The following DELE1 variants were observed in gnomAD, a reference collection of about 807,000 sequenced individuals.
The protein encoded by DELE1 is DAP3 binding cell death enhancer 1, also known as death ligand signal enhancer.
Under a neutral mutation model 59.3 loss-of-function variants are expected in DELE1, and 54 were observed. That is an observed-to-expected ratio of 0.91 (90% CI 0.73 to 1.14). The LOEUF is 1.14. Ranked by LOEUF, DELE1 falls within the 50% of genes most tolerant of loss-of-function variation. The probability of loss-of-function intolerance (pLI) is 0.00; values close to 1 mark genes in which losing one functional copy is unlikely to be tolerated. For synonymous variants in DELE1, 264 were observed against 259.1 expected (o/e 1.02, Z -0.18); for missense variants, 636 against 643.9 (o/e 0.99, Z 0.13).
intron 10 of DELE1, among the ~76,000 whole-genome samples, chr5:141,936,284 A>G (rs1752346525): frequency 6.6e-6 from 1 of 152,190 alleles, no homozygotes; most frequent in African/African-American, 2.4e-5. Flanking sequence ...GGTAAGTGGT[A>G]GAGCCGTGAT....
In DELE1 at chr5:141,929,451, T is replaced by C. The variant is rs1751702733; in HGVS notation, c.413-131T>C. The C allele has an allele frequency of 5.6e-6, 5 of 892,060 alleles. No individual in the cohort carries two copies. The South Asian group carries it at 8.2e-5, about 15-fold the overall frequency. The allele number at this position is 892,060 out of a possible 1,614,324, so 55.3% of individuals were successfully genotyped here. On this transcript the variant is annotated intron_variant, in intron 4 of 11. Coordinates refer to ENST00000432126, the MANE Select transcript of DELE1 (RefSeq NM_014773.5). ...TTTTAGTACAGATGGGGTTTCACCATGTTGGCCAGGCTGGTCTTGAACTCC... is the reference window on the plus strand; with the variant it reads ...TTTTAGTACAGATGGGGTTTCACCACGTTGGCCAGGCTGGTCTTGAACTCC...
In DELE1 at chr5:141,925,586, G is replaced by A; in HGVS notation, c.264+59G>A. The A allele has an allele frequency of 2.8e-6, 3 of 1,081,664 alleles. No individual in the cohort carries two copies. The South Asian group carries it at 5.1e-5, about 18-fold the overall frequency. 67.0% of individuals were successfully genotyped at this position (1,081,664 alleles called of 1,614,324 possible). A position where few individuals can be genotyped will look rare whatever the true frequency, so the allele number is the denominator to read the frequency against. On this transcript the variant is annotated intron_variant, in intron 3 of 11. Coordinates refer to ENST00000432126, the MANE Select transcript of DELE1 (RefSeq NM_014773.5). The stretch of plus-strand genomic sequence containing the variant: ...GTGTAGATGAGAATGATCCTTCATG[G>A]GTATACAGCCGAACCTGGAACAAGG...
intron 2 of DELE1, among the ~76,000 whole-genome samples, chr5:141,925,119 CG>C (rs1178243562): frequency 6.6e-6 from 1 of 151,870 alleles, no homozygotes; most frequent in Non-Finnish European, 1.5e-5. Flanking sequence ...TTAGTAGAGA[CG>C]GGGTTTCACC....
At chr5:141,937,640 C>T (rs951720461) in intron 11 of DELE1, among the ~76,000 whole-genome samples, 1 of 150,764 alleles carries the variant, frequency 6.6e-6, no homozygotes, top group Non-Finnish European at 1.5e-5. Flanking sequence ...GGGCGTGGTG[C>T]GGACCCTGTG....
At chr5:141,936,736 G>A (rs1752391531) in intron 10 of DELE1, 1 of 396,654 alleles carries the variant, frequency 2.5e-6, no homozygotes, top group Admixed American at 6.4e-5. Context: ...CCCAGGCCAA[G>A]CATAGCTTTT....
At chr5:141,924,750 A>AAT in intron 2 of DELE1, 55 bp downstream of exon 2, 10 of 863,898 alleles carry the variant, frequency 1.2e-5, no homozygotes, top group South Asian at 1.7e-5. Flanking sequence ...CTTTTTTTTT[A>AAT]TTTTTTTTTT....
chr5:141,933,094 CAAAAA>C (rs56720043), intron 7 of DELE1, among the ~76,000 whole-genome samples, 160 bp from the exon 8 acceptor site: 3,078 of 100,964 alleles, frequency 0.03, 51 homozygotes, highest in South Asian at 0.066. Flanking sequence ...GACTCCATCT[CAAAAA>C]AAAAAAAAAA....
Position 141,936,843 on chromosome 5 carries a change from T to C in DELE1, c.1150-355T>C, listed in dbSNP as rs114875715. Reference sequence around the variant, plus strand: ...AGACAACCCTCCACCTTCGCCTCCTTGCTGTTTCAGGGCAACATAGGAGCC... The same window carrying C: ...AGACAACCCTCCACCTTCGCCTCCTCGCTGTTTCAGGGCAACATAGGAGCC... On this transcript the variant is annotated intron_variant, in intron 10 of 11. Transcript: ENST00000432126. The C allele has an allele frequency of 2.2e-3, 2,207 of 984,472 alleles. 47 individuals carry two copies. The African/African-American group carries it at 0.036, about 16-fold the overall frequency. 61.0% of individuals were successfully genotyped at this position (984,472 alleles called of 1,614,324 possible). A position where few individuals can be genotyped will look rare whatever the true frequency, so the allele number is the denominator to read the frequency against.
chr5:141,929,266 T>G (rs1330788872), intron 4 of DELE1, among the ~76,000 whole-genome samples: 3 of 152,152 alleles, frequency 2.0e-5, no homozygotes, highest in Non-Finnish European at 2.9e-5. Flanking sequence ...TTTTTTCTTT[T>G]GAGACACAGT....
rs970210171 is a variant in DELE1 at position 141,938,874 on chromosome 5, A to C, written c.*115A>C. ...CAGGTAGAAATTCCAGCGGGAGTTC[A>C]GGTTCCCAAGCAATTTCACGTACAT... On this transcript the variant is annotated 3_prime_UTR_variant, in exon 12 of 12. Coordinates refer to ENST00000432126, the MANE Select transcript of DELE1 (RefSeq NM_014773.5). 3 of 1,488,862 alleles carry C rather than the reference A, an allele frequency of 2.0e-6. No homozygotes were observed. In the Admixed American group the frequency reaches 7.0e-5, roughly 35 times the overall value. 92.2% of individuals were successfully genotyped at this position (1,488,862 alleles called of 1,614,324 possible). A position where few individuals can be genotyped will look rare whatever the true frequency, so the allele number is the denominator to read the frequency against.
chr5:141,929,542 G>T, intron 4 of DELE1, 40 bp from the exon 5 acceptor site: 1 of 1,602,074 alleles, frequency 6.2e-7, no homozygotes, highest in South Asian at 1.1e-5. Flanking sequence ...GAGCCATCGC[G>T]CCTGGCCCAG....
chr5:141,940,457 T>G lies in DELE1; in HGVS notation c.*1698T>G, dbSNP rs1752671546. On this transcript the variant is annotated 3_prime_UTR_variant, in exon 12 of 12. Coordinates refer to ENST00000432126, the MANE Select transcript of DELE1 (RefSeq NM_014773.5). The stretch of plus-strand genomic sequence containing the variant: ...CCACCGCCCACCCCCCACAATCCCA[T>G]GACTGAGTGGAGACCAACCAGCCTG... The G allele has an allele frequency of 1.0e-6, 1 of 984,302 alleles. No individual in the cohort carries two copies. Among genetic ancestry groups the G allele is most frequent in the Non-Finnish European group, 1.2e-6 (1 of 829,178 alleles). 61.0% of individuals were successfully genotyped at this position (984,302 alleles called of 1,614,324 possible).
Position 141,938,727 on chromosome 5 carries a change from G to T in DELE1, c.1516G>T (p.Glu506Ter). The T allele has an allele frequency of 6.2e-7, 1 of 1,613,886 alleles. No homozygotes were observed. The highest frequency in any genetic ancestry group is 1.1e-5 in the South Asian group (1 of 91,066). ...RAIPPHPYPLERSVVRLGFG is the reference protein window; with the variant it reads ...RAIPPHPYPL Reference sequence around the variant, plus strand: ...TATTCCCCCACACCCCTACCCACTGGAAAGGAGTGTTGTAAGACTAGGTTT... The same window carrying T: ...TATTCCCCCACACCCCTACCCACTGTAAAGGAGTGTTGTAAGACTAGGTTT... Residue 506 changes from glutamate (E) to a stop codon, truncating the protein, a stop_gained, in exon 12 of 12, where the codon GAA (glutamate) becomes TAA (stop). Coordinates refer to ENST00000432126, the MANE Select transcript of DELE1 (RefSeq NM_014773.5). LOFTEE classifies it high-confidence loss of function.
Position 141,940,877 on chromosome 5 carries a change from AAAG to A in DELE1, c.*2119_*2121del. On this transcript the variant is annotated 3_prime_UTR_variant, in exon 12 of 12. Coordinates refer to ENST00000432126, the MANE Select transcript of DELE1 (RefSeq NM_014773.5). ...GCTCTCTGCCAAAAAACAAACAAAA[AAAG>A]GTTTCTGTGGTTAAATAAGTTTGGG... 1.3e-5 allele frequency: 13 copies of A among 985,376 alleles called. No individual in the cohort carries two copies. The highest frequency in any genetic ancestry group is 1.4e-5 in the Non-Finnish European group (12 of 829,900). The allele number at this position is 985,376 out of a possible 1,614,324, so 61.0% of individuals were successfully genotyped here. A position where few individuals can be genotyped will look rare whatever the true frequency, so the allele number is the denominator to read the frequency against.
rs761342612 is a variant in DELE1, at chr5:141,934,529, G to T, written c.1092G>T (p.Glu364Asp). The T allele has an allele frequency of 1.2e-6, 2 of 1,614,274 alleles. No individual in the cohort carries two copies. Among genetic ancestry groups the T allele is most frequent in the Admixed American group, 1.7e-5 (1 of 60,034 alleles). The change falls in exon 10 of 12, where the codon GAG (glutamate) becomes GAT (aspartate). Residue 364 changes from glutamate to aspartate, a missense_variant. Transcript: ENST00000432126. ...QAFLGVLFTK[E>D]PYLDEQRAVK... ...TCCTCGGGGTGCTTTTCACCAAGGA[G>T]CCCTACCTGGATGAGCAGAGAGCTG...
chr5:141,933,010 G>A (rs1048672897), intron 7 of DELE1, among the ~76,000 whole-genome samples: 3 of 149,410 alleles, frequency 2.0e-5, no homozygotes, highest in Non-Finnish European at 3.0e-5. Flanking sequence ...CAGGAGAATC[G>A]TTTGAACTCA....
chr5:141,936,987 G>A (rs746748242), intron 10 of DELE1: 1 of 1,408,548 alleles, frequency 7.1e-7, no homozygotes, highest in Non-Finnish European at 9.3e-7. Flanking sequence ...CTCCCTGGGT[G>A]GAGGGATCCC....
chr5:141,940,997 T>TA lies in DELE1; in HGVS notation c.*2240dup. Reference sequence around the variant, plus strand: ...GAAGTCCTCCAGTAAAGAACTTGGTTAACCCAATGTTTTCTCTCACTGAAT... The same window carrying TA: ...GAAGTCCTCCAGTAAAGAACTTGGTTAAACCCAATGTTTTCTCTCACTGAAT... On this transcript the variant is annotated 3_prime_UTR_variant, in exon 12 of 12. Coordinates refer to ENST00000432126, the MANE Select transcript of DELE1 (RefSeq NM_014773.5). 1 of 984,416 alleles carries TA rather than the reference T, an allele frequency of 1.0e-6. No individual in the cohort carries two copies. Among genetic ancestry groups the TA allele is most frequent in the African/African-American group, 1.7e-5 (1 of 57,346 alleles). 61.0% of individuals were successfully genotyped at this position (984,416 alleles called of 1,614,324 possible).
rs917300159 is a variant in DELE1, at chr5:141,933,340, C to A, written c.836C>A (p.Ala279Glu). The change falls in exon 8 of 12, where the codon GCG (alanine) becomes GAG (glutamate). Residue 279 changes from alanine (A) to glutamate (E), a missense_variant. By Grantham distance (107) the Ala-to-Glu change is moderately radical (BLOSUM62 -1). Transcript: ENST00000432126. Reference protein sequence around the residue: ...QKAAARGYSKAQYNAGLCHEH... With the variant: ...QKAAARGYSKEQYNAGLCHEH... ...GCTGCAGCCCGCGGCTACAGCAAAG[C>A]GCAGTACAATGCGGGCTTGTGTCAT... is the stretch of plus-strand genomic sequence containing the variant. 6.4e-7 allele frequency: 1 copy of A among 1,556,984 alleles called. No homozygotes were observed. The highest frequency in any genetic ancestry group is 8.8e-7 in the Non-Finnish European group (1 of 1,140,200).
Sources: gnomAD v4.1 joint callset for allele counts (sites outside exome capture counted in the v4.1 genomes callset) on GRCh38, gnomAD v4.1.1 for gene constraint, MANE v1.5 for transcripts, NCBI Gene and HGNC (gene_info 2026-07-23, HGNC 2026-07-21) for gene names.